Variants in CYREN observed in about 807,000 individuals in gnomAD.
The protein encoded by CYREN is cell cycle regulator of NHEJ, also known as cell cycle regulator of non-homologous end joining.
CYREN carries 7 observed loss-of-function variants against 9.7 expected under a neutral mutation model. That is an observed-to-expected ratio of 0.72 (90% confidence interval 0.41 to 1.36). The LOEUF is 1.36. Among genes scored for constraint, CYREN ranks in the 40% most tolerant of loss-of-function variants. The probability of loss-of-function intolerance (pLI) is 0.01; values close to 1 mark genes in which losing one functional copy is unlikely to be tolerated. For synonymous variants in CYREN, 76 were observed against 77.9 expected (o/e 0.98, Z 0.13); for missense variants, 215 against 198.1 (o/e 1.09, Z -0.51).
At chr7:135,099,755 GC>G (rs1263595423) in intron 2 of CYREN, among the ~76,000 whole-genome samples, 2 of 151,988 alleles carry the variant, frequency 1.3e-5, no homozygotes, top group African/African-American at 4.8e-5. Flanking sequence ...TATACACAGT[GC>G]CCCACAAGAT....
intron 2 of CYREN, among the ~76,000 whole-genome samples, chr7:135,123,336 G>A (rs1827407118): frequency 6.6e-6 from 1 of 152,006 alleles, no homozygotes. Context: ...ATGCAGACAA[G>A]ACTAGAGAAA....
chr7:135,158,006 G>C (rs987296884), intron 2 of CYREN, among the ~76,000 whole-genome samples: 1 of 151,668 alleles, frequency 6.6e-6, no homozygotes, highest in African/African-American at 2.4e-5. Flanking sequence ...ACAGCAACCC[G>C]TAGCAGGCAC....
At chr7:135,129,303 G>T in intron 2 of CYREN, 1 of 1,469,862 alleles carries the variant, frequency 6.8e-7, no homozygotes, top group South Asian at 1.1e-5. Flanking sequence ...GACCTACCAT[G>T]GGGTCTCTCC....
intron 2 of CYREN, among the ~76,000 whole-genome samples, chr7:135,132,234 G>A (rs563172242): frequency 1.2e-4 from 19 of 152,200 alleles, no homozygotes; most frequent in Admixed American, 2.0e-4. Flanking sequence ...ATAAGATTTT[G>A]CATAAATATA....
At chr7:135,129,308 C>G (rs1585286641) in intron 2 of CYREN, 2 of 1,432,022 alleles carry the variant, frequency 1.4e-6, no homozygotes, top group East Asian at 2.3e-5. Context: ...ACCATGGGGT[C>G]TCTCCATGTA....
intron 2 of CYREN, among the ~76,000 whole-genome samples, chr7:135,099,153 T>C (rs1301228363): frequency 6.8e-6 from 1 of 148,144 alleles, no homozygotes; most frequent in African/African-American, 2.5e-5. Flanking sequence ...TATGTTAGAC[T>C]ATTTTTTGGT....
downstream of CYREN, chr7:135,164,534 T>A: frequency 6.2e-7 from 1 of 1,614,156 alleles, no homozygotes; most frequent in Non-Finnish European, 8.5e-7. Flanking sequence ...TGTTTTACGC[T>A]CTTCTCTGGG....
Position 135,168,114 on chromosome 7 carries a change from A to C in CYREN, c.138-307T>G, listed in dbSNP as rs374977224. The C allele has an allele frequency of 1.0e-3, 411 of 412,946 alleles. 3 individuals are homozygous for C. Among genetic ancestry groups the C allele is most frequent in the Middle Eastern group, 9.6e-3 (14 of 1,452 alleles). The allele number at this position is 412,946 out of a possible 1,614,324, so 25.6% of individuals were successfully genotyped here. A position where few individuals can be genotyped will look rare whatever the true frequency, so the allele number is the denominator to read the frequency against. On this transcript the variant is annotated intron_variant, in intron 2 of 3. Transcript: ENST00000393114. Reference sequence around the variant, plus strand: ...CACACATGGATGCAAGAGGAAGGGAACCTCGGGCTGAGGCTGTACTGAGAG... The same window carrying C: ...CACACATGGATGCAAGAGGAAGGGACCCTCGGGCTGAGGCTGTACTGAGAG...
At chr7:135,103,296 G>A (rs1824130740) in intron 2 of CYREN, among the ~76,000 whole-genome samples, 1 of 152,144 alleles carries the variant, frequency 6.6e-6, no homozygotes, top group Non-Finnish European at 1.5e-5. Context: ...GAAGCTGAGT[G>A]ATAGGTTTAA....
intron 2 of CYREN, chr7:135,128,705 G>A: frequency 4.4e-6 from 6 of 1,361,988 alleles, no homozygotes; most frequent in Non-Finnish European, 6.2e-6. Context: ...TTGAGCTCAA[G>A]ATTGATTCTC....
downstream of CYREN, chr7:135,164,712 C>G: frequency 6.2e-7 from 1 of 1,614,234 alleles, no homozygotes; most frequent in Non-Finnish European, 8.5e-7. Context: ...GTACGGGTCC[C>G]TGGTCCTCAC....
chr7:135,143,249 T>C (rs998368955), intron 2 of CYREN, among the ~76,000 whole-genome samples: 4 of 152,166 alleles, frequency 2.6e-5, no homozygotes, highest in Admixed American at 2.6e-4. Context: ...CAATACAGTA[T>C]GTTATTGGCA....
chr7:135,120,788 G>A (rs1416918099), intron 2 of CYREN, among the ~76,000 whole-genome samples: 2 of 152,186 alleles, frequency 1.3e-5, no homozygotes, highest in African/African-American at 4.8e-5. Context: ...AAGCAGAAGT[G>A]GCTATGTTAA....
At chr7:135,133,447 C>T (rs867661560) in intron 2 of CYREN, among the ~76,000 whole-genome samples, 5 of 152,014 alleles carry the variant, frequency 3.3e-5, no homozygotes, top group Admixed American at 1.3e-4. Context: ...ATTTATCTGC[C>T]GATGCATTAA....
chr7:135,125,578 G>T (rs62479727), intron 2 of CYREN, among the ~76,000 whole-genome samples: 73,780 of 151,946 alleles, frequency 0.49, 18,279 homozygotes, highest in South Asian at 0.66. Flanking sequence ...AAACCAGGAA[G>T]AGACACAACA....
Position 135,168,963 on chromosome 7 carries a change from A to G in CYREN, c.-41T>C, listed in dbSNP as rs1172802627. ...CAAAGAAGAGTCAGGGCCCAAGCTT[A>G]ATGACCTGTTTTTTAATTCAGGAAG... On this transcript the variant is annotated 5_prime_UTR_variant, in exon 2 of 4. Coordinates refer to ENST00000393114, the MANE Select transcript of CYREN (RefSeq NM_024033.4). The G allele has an allele frequency of 2.0e-6, 3 of 1,503,936 alleles. No homozygotes were observed. The highest frequency in any genetic ancestry group is 1.4e-5 in the African/African-American group (1 of 70,324). The allele number at this position is 1,503,936 out of a possible 1,614,324, so 93.2% of individuals were successfully genotyped here.
downstream of CYREN, chr7:135,165,227 A>G (rs1028657484): frequency 1.4e-5 from 7 of 513,996 alleles, no homozygotes; most frequent in East Asian, 3.1e-5. Flanking sequence ...CAAGGCTCCC[A>G]AAGACTCCCT....
At chr7:135,164,849 C>CA, downstream of CYREN, 3 of 1,614,006 alleles carry the variant, frequency 1.9e-6, no homozygotes, top group Non-Finnish European at 2.5e-6. Flanking sequence ...TCTTCCTCTC[C>CA]TATGTGTGGA....
chr7:135,146,191 AG>A (rs1829541513), intron 2 of CYREN, among the ~76,000 whole-genome samples: 1 of 152,228 alleles, frequency 6.6e-6, no homozygotes, highest in Non-Finnish European at 1.5e-5. Flanking sequence ...AACGTGAGAG[AG>A]AAATGGAGGA....
Sources: allele counts gnomAD v4.1 joint callset (sites outside exome capture counted in the v4.1 genomes callset), GRCh38; gene constraint gnomAD v4.1.1; transcripts MANE v1.5; gene names NCBI Gene and HGNC (gene_info 2026-07-23, HGNC 2026-07-21).